The following L3MBTL4 variants were observed in gnomAD, a reference collection of about 807,000 sequenced individuals.
The protein encoded by L3MBTL4 is lethal(3)malignant brain tumor-like protein 4.
L3MBTL4 carries 70 observed loss-of-function variants against 84.5 expected under a neutral mutation model. That is an observed-to-expected ratio of 0.83 (90% CI 0.68 to 1.01). The LOEUF (loss-of-function observed/expected upper bound fraction) is 1.01, where lower values mean the gene tolerates loss of function less well. L3MBTL4 is among the 50% of genes least tolerant of loss of function. The probability of loss-of-function intolerance (pLI) is 0.00; values close to 1 mark genes in which losing one functional copy is unlikely to be tolerated. For missense variants in L3MBTL4, 715 were observed against 754.8 expected, an observed-to-expected ratio of 0.95 and a Z score of 0.62; for synonymous variants, 274 against 259.8, an observed-to-expected ratio of 1.05 and a Z score of -0.52.
chr18:6,326,918 T>C (rs2051752378), intron 1 of L3MBTL4, among the ~76,000 whole-genome samples: 1 of 152,228 alleles, frequency 6.6e-6, no homozygotes, highest in South Asian at 2.1e-4. Context: ...ATGACCCTGA[T>C]TTAACTGTAA....
chr18:6,181,335 G>GT (rs1409183236), intron 12 of L3MBTL4, among the ~76,000 whole-genome samples: 22 of 150,142 alleles, frequency 1.5e-4, no homozygotes, highest in South Asian at 2.1e-4. Context: ...CTTTTTTTTT[G>GT]TTTTTTTTGA....
chr18:5,962,416 T>C (rs1225591613), intron 17 of L3MBTL4, among the ~76,000 whole-genome samples: 1 of 152,092 alleles, frequency 6.6e-6, no homozygotes, highest in Non-Finnish European at 1.5e-5. Context: ...GCAGGAGGAA[T>C]GCAGTTTGGC....
chr18:6,003,100 TATTTATA>T (rs2054298600), intron 16 of L3MBTL4, among the ~76,000 whole-genome samples: 1 of 102,312 alleles, frequency 9.8e-6, no homozygotes, highest in Non-Finnish European at 1.9e-5. Context: ...ATAGTATCTC[TATTTATA>T]GAGATACTAT....
At chr18:5,960,519 T>C (rs7236822) in intron 17 of L3MBTL4, 65,968 of 154,990 alleles carry the variant, frequency 0.43, 14,340 homozygotes, top group East Asian at 0.51. Flanking sequence ...CAGCGACCAT[T>C]AGGAGTAAGG....
At chr18:6,244,387 C>G in intron 6 of L3MBTL4, 97 bp downstream of exon 6, 1 of 762,020 alleles carries the variant, frequency 1.3e-6, no homozygotes, top group Non-Finnish European at 2.2e-6. Flanking sequence ...TGCACTGGAA[C>G]TTCTTCATAA....
chr18:6,032,441 G>A (rs1024769303), intron 16 of L3MBTL4, among the ~76,000 whole-genome samples: 1 of 151,226 alleles, frequency 6.6e-6, no homozygotes, highest in Non-Finnish European at 1.5e-5. Flanking sequence ...AATACAGGTC[G>A]AGGGGGGCAG....
At chr18:6,023,577 A>T (rs2055366559) in intron 16 of L3MBTL4, among the ~76,000 whole-genome samples, 1 of 152,244 alleles carries the variant, frequency 6.6e-6, no homozygotes, top group South Asian at 2.1e-4. Flanking sequence ...CCCCGTTTTG[A>T]TAAGCACCAT....
intron 1 of L3MBTL4, among the ~76,000 whole-genome samples, chr18:6,354,477 A>G (rs967449401): frequency 1.3e-5 from 2 of 152,180 alleles, no homozygotes; most frequent in Non-Finnish European, 1.5e-5. Flanking sequence ...GAAACAAACA[A>G]CAAAGTGAAG....
At position 6,013,444 on chromosome 18, in the gene L3MBTL4, A is replaced by G. The variant is rs116836330; in HGVS notation, c.1445-43882T>C. Among the ~76,000 whole-genome samples the G allele has an allele frequency of 3.6e-3, 546 of 152,284 alleles. 5 individuals are homozygous for G. Among genetic ancestry groups the G allele is most frequent in the African/African-American group, 0.013 (533 of 41,552 alleles). ...AGTTAAATACTTCCTTCACTTTTCT[A>G]TGATGATGAGGAGCTGTGCTCTTCT... On this transcript the variant is annotated intron_variant, in intron 16 of 18. Transcript: ENST00000317931.
intron 12 of L3MBTL4, among the ~76,000 whole-genome samples, chr18:6,188,983 A>G (rs543318397): frequency 2.6e-5 from 4 of 152,344 alleles, no homozygotes; most frequent in African/African-American, 9.6e-5. Context: ...TAACAAAATT[A>G]CCACAAACTT....
intron 1 of L3MBTL4, among the ~76,000 whole-genome samples, chr18:6,334,299 A>C (rs2052210091): frequency 6.6e-6 from 1 of 152,150 alleles, no homozygotes; most frequent in African/African-American, 2.4e-5. Flanking sequence ...TGGAAGAAAA[A>C]CCCAGAGACA....
chr18:6,253,695 C>T (rs1028792393), intron 5 of L3MBTL4, among the ~76,000 whole-genome samples: 1 of 152,238 alleles, frequency 6.6e-6, no homozygotes, highest in African/African-American at 2.4e-5. Context: ...ATCCTTCCAA[C>T]CTTCTGTTGC....
At chr18:6,303,714 G>A (rs985420468) in intron 3 of L3MBTL4, among the ~76,000 whole-genome samples, 3 of 152,002 alleles carry the variant, frequency 2.0e-5, no homozygotes, top group African/African-American at 4.8e-5. Context: ...GAGGAGGCTT[G>A]GTCACCCTAG....
chr18:6,054,217 T>C (rs1245760388), intron 16 of L3MBTL4, among the ~76,000 whole-genome samples: 2 of 152,270 alleles, frequency 1.3e-5, no homozygotes, highest in East Asian at 3.9e-4. Context: ...GTCACAATTT[T>C]TTTTTCTTGG....
chr18:6,314,416 A>G (rs1169348917), intron 1 of L3MBTL4, among the ~76,000 whole-genome samples: 1 of 152,222 alleles, frequency 6.6e-6, no homozygotes, highest in Non-Finnish European at 1.5e-5. Context: ...AAAGGTATAT[A>G]CCAACTAGAC....
intron 1 of L3MBTL4, among the ~76,000 whole-genome samples, chr18:6,318,921 T>C (rs557709476): frequency 6.6e-6 from 1 of 152,240 alleles, no homozygotes; most frequent in East Asian, 1.9e-4. Context: ...ATCAAAATCA[T>C]ATTAAGTATC....
intron 12 of L3MBTL4, among the ~76,000 whole-genome samples, chr18:6,208,545 C>T (rs1297115959): frequency 6.6e-6 from 1 of 152,178 alleles, no homozygotes; most frequent in Non-Finnish European, 1.5e-5. Flanking sequence ...GCATTTCCCA[C>T]AGGGCAAATA....
chr18:6,164,881 C>G (rs2043561691), intron 13 of L3MBTL4, among the ~76,000 whole-genome samples: 1 of 152,144 alleles, frequency 6.6e-6, no homozygotes, highest in African/African-American at 2.4e-5. Context: ...TCAAACTACT[C>G]TGAGCTAAAG....
intron 16 of L3MBTL4, among the ~76,000 whole-genome samples, chr18:5,991,165 C>T (rs1016051428): frequency 6.6e-6 from 1 of 152,172 alleles, no homozygotes; most frequent in Admixed American, 6.5e-5. Context: ...CAGGCCCATG[C>T]TGACCCTCAA....
Sources: gnomAD v4.1 joint callset for allele counts (sites outside exome capture counted in the v4.1 genomes callset) on GRCh38, gnomAD v4.1.1 for gene constraint, MANE v1.5 for transcripts, NCBI Gene and HGNC (gene_info 2026-07-23, HGNC 2026-07-21) for gene names.